Variants in FOXP1 observed in about 807,000 individuals in gnomAD.
FOXP1 encodes forkhead box protein P1.
Under a neutral mutation model 98.2 loss-of-function variants are expected in FOXP1, and 15 were observed. The ratio of observed to expected loss-of-function variants is 0.15; its 90% CI spans 0.10 to 0.24. The LOEUF is 0.24. Ranked by LOEUF, FOXP1 falls within the 10% of genes least tolerant of loss-of-function variation. FOXP1 has a pLI of 1.00. For missense variants in FOXP1, 633 were observed against 848.5 expected (o/e 0.75, Z 3.15); for synonymous variants, 371 against 314.5 (o/e 1.18, Z -1.90).
At chr3:71,476,203 C>A (rs1466331789) in intron 3 of FOXP1, among the ~76,000 whole-genome samples, 1 of 152,008 alleles carries the variant, frequency 6.6e-6, no homozygotes, top group Non-Finnish European at 1.5e-5. Context: ...ATGAGGGAAT[C>A]TTTATGGATG....
At chr3:71,441,592 A>G (rs1169730064) in intron 3 of FOXP1, among the ~76,000 whole-genome samples, 1 of 152,234 alleles carries the variant, frequency 6.6e-6, no homozygotes, top group Non-Finnish European at 1.5e-5. Flanking sequence ...CTAACAGGGA[A>G]CCATTTGGAG....
At chr3:71,471,997 A>G (rs1162817436) in intron 3 of FOXP1, among the ~76,000 whole-genome samples, 2 of 152,190 alleles carry the variant, frequency 1.3e-5, no homozygotes, top group Non-Finnish European at 2.9e-5. Flanking sequence ...GCCTAATGGT[A>G]GAAGATGGCC....
intron 5 of FOXP1, among the ~76,000 whole-genome samples, chr3:71,281,863 G>A (rs530252061): frequency 1.3e-5 from 2 of 152,020 alleles, no homozygotes; most frequent in East Asian, 1.9e-4. Flanking sequence ...CACTTTGGGA[G>A]GCCAAGGCAT....
At chr3:71,323,550 G>T (rs926279413) in intron 4 of FOXP1, among the ~76,000 whole-genome samples, 1 of 152,136 alleles carries the variant, frequency 6.6e-6, no homozygotes, top group Non-Finnish European at 1.5e-5. Flanking sequence ...AAGCACACGG[G>T]AAAGTGAGCA....
At chr3:71,436,032 T>C (rs1057205496) in intron 3 of FOXP1, among the ~76,000 whole-genome samples, 4 of 151,088 alleles carry the variant, frequency 2.6e-5, no homozygotes, top group South Asian at 2.1e-4. Flanking sequence ...GGGGGGAGAA[T>C]CTGTCTACAT....
intron 3 of FOXP1, among the ~76,000 whole-genome samples, chr3:71,381,304 C>T (rs780508384): frequency 6.6e-6 from 1 of 152,088 alleles, no homozygotes; most frequent in Non-Finnish European, 1.5e-5. Flanking sequence ...GCGCCTGCCA[C>T]CGCGCCCGGC....
At chr3:71,148,913 A>G (rs1294106040) in intron 6 of FOXP1, among the ~76,000 whole-genome samples, 2 of 152,224 alleles carry the variant, frequency 1.3e-5, no homozygotes, top group Non-Finnish European at 2.9e-5. Context: ...AAATTGCTAC[A>G]TGAGTTCAAA....
chr3:71,377,805 C>T (rs831071), intron 3 of FOXP1, among the ~76,000 whole-genome samples: 49,492 of 152,036 alleles, frequency 0.33, 9,780 homozygotes, highest in East Asian at 0.88. Flanking sequence ...TTATTTTTCA[C>T]GTTACATTAA....
At chr3:71,276,955 CTT>C (rs34014285) in intron 5 of FOXP1, among the ~76,000 whole-genome samples, 65 of 129,430 alleles carry the variant, frequency 5.0e-4, no homozygotes, top group Admixed American at 6.3e-4. Flanking sequence ...AGTAGATCAA[CTT>C]TTTTTTTTTT....
At chr3:71,253,782 G>T (rs761952503) in intron 5 of FOXP1, among the ~76,000 whole-genome samples, 2 of 151,876 alleles carry the variant, frequency 1.3e-5, no homozygotes. Context: ...TAATAAATAC[G>T]CCAAATGAAA....
intron 3 of FOXP1, among the ~76,000 whole-genome samples, chr3:71,369,154 C>T (rs959028767): frequency 6.6e-6 from 1 of 151,850 alleles, no homozygotes; most frequent in East Asian, 1.9e-4. Flanking sequence ...TTTTGGGAGG[C>T]TGAGGCAGGT....
chr3:71,537,832 A>C (rs2044431544), intron 2 of FOXP1, among the ~76,000 whole-genome samples: 1 of 152,226 alleles, frequency 6.6e-6, no homozygotes, highest in African/African-American at 2.4e-5. Flanking sequence ...ATGAGCTGAG[A>C]GTGATTTTTA....
intron 3 of FOXP1, among the ~76,000 whole-genome samples, chr3:71,427,316 T>C (rs1461082612): frequency 6.6e-6 from 1 of 152,116 alleles, no homozygotes; most frequent in African/African-American, 2.4e-5. Context: ...AGACAAAGCA[T>C]TTCACACAGA....
chr3:71,065,635 AAC>A (rs1447262223), intron 7 of FOXP1: 2 of 152,216 alleles, frequency 1.3e-5, no homozygotes, highest in Non-Finnish European at 2.9e-5. Flanking sequence ...CTCGTCGCTG[AAC>A]CAGGCGACTT....
chr3:71,360,996 T>G (rs910904107), intron 3 of FOXP1, among the ~76,000 whole-genome samples: 1 of 152,216 alleles, frequency 6.6e-6, no homozygotes, highest in Non-Finnish European at 1.5e-5. Context: ...CACTATGTTT[T>G]CTAGGTATCT....
chr3:71,316,043 C>A (rs1016571071), intron 4 of FOXP1, among the ~76,000 whole-genome samples: 1 of 152,164 alleles, frequency 6.6e-6, no homozygotes, highest in African/African-American at 2.4e-5. Flanking sequence ...GAGATCATTT[C>A]ATTAGGAGGC....
chr3:71,341,931 C>T (rs1035541157), intron 4 of FOXP1, among the ~76,000 whole-genome samples: 2 of 152,144 alleles, frequency 1.3e-5, no homozygotes, highest in Non-Finnish European at 2.9e-5. Context: ...ATGCATGAGT[C>T]GCTTCTCAAT....
chr3:71,109,951 A>AG (rs1367277753), intron 7 of FOXP1, among the ~76,000 whole-genome samples: 2 of 152,102 alleles, frequency 1.3e-5, no homozygotes, highest in Admixed American at 6.6e-5. Context: ...CTTGGGGGGT[A>AG]GGGGAAAAAC....
At position 71,081,096 on chromosome 3, in the gene FOXP1, G is replaced by T. The variant is rs181109807; in HGVS notation, c.283-27323C>A. Reference sequence around the variant, plus strand: ...ATTTTTAAAGTATATACTGCTTAACGCTAAGTGTTCTGCATTTGTGTCCAG... The same window carrying T: ...ATTTTTAAAGTATATACTGCTTAACTCTAAGTGTTCTGCATTTGTGTCCAG... On this transcript the variant is annotated intron_variant, in intron 7 of 20. Coordinates refer to ENST00000649528, the MANE Select transcript of FOXP1 (RefSeq NM_001349338.3). Among the ~76,000 whole-genome samples, 847 of 152,254 alleles carry T rather than the reference G, an allele frequency of 5.6e-3. 9 individuals are homozygous for T. Among genetic ancestry groups the T allele is most frequent in the African/African-American group, 0.019 (799 of 41,538 alleles).
Sources: gnomAD v4.1 joint callset for allele counts (sites outside exome capture counted in the v4.1 genomes callset) on GRCh38, gnomAD v4.1.1 for gene constraint, MANE v1.5 for transcripts, NCBI Gene and HGNC (gene_info 2026-07-23, HGNC 2026-07-21) for gene names.